The following ZSCAN32 variants were observed in gnomAD, a reference collection of about 807,000 sequenced individuals.
ZSCAN32 encodes zinc finger and SCAN domain containing 32, also known as zinc finger and SCAN domain-containing protein 32.
ZSCAN32 carries 52 observed loss-of-function variants against 47.4 expected under a neutral mutation model. The observed-to-expected ratio is 1.10, with a 90% CI of 0.88 to 1.38. The LOEUF is 1.38. Ranked by LOEUF, ZSCAN32 falls within the 40% of genes most tolerant of loss-of-function variation. ZSCAN32 has a pLI of 0.00. For missense variants in ZSCAN32, 959 were observed against 846.0 expected (o/e 1.13, Z -1.66); for synonymous variants, 346 against 305.7 (o/e 1.13, Z -1.38).
chr16:3,399,847 C>G (rs1439279734), intron 1 of ZSCAN32, among the ~76,000 whole-genome samples: 1 of 152,226 alleles, frequency 6.6e-6, no homozygotes, highest in Non-Finnish European at 1.5e-5. Context: ...CTCAAGTGAT[C>G]CTCCCACCTT....
rs2031506567 is a variant in ZSCAN32 at position 3,383,427 on chromosome 16, C to T, written c.1519G>A (p.Val507Met). Residue 507 changes from valine to methionine, a missense_variant, in exon 7 of 7, where the codon GTG becomes ATG. By Grantham distance (21) the Val-to-Met change is conservative. Transcript: ENST00000396852. ...AGCGCTGGCTTGTGGGGAGAGTGCACACTCTGAGAGCAGTTTTTCCCACAG... is the reference window on the plus strand; with the variant it reads ...AGCGCTGGCTTGTGGGGAGAGTGCATACTCTGAGAGCAGTTTTTCCCACAG... ...ILCGKNCSQSVHSPHKPALKL... is the reference protein window; with the variant it reads ...ILCGKNCSQSMHSPHKPALKL... The T allele has an allele frequency of 6.2e-7, 1 of 1,614,178 alleles. No individual in the cohort carries two copies. Among genetic ancestry groups the T allele is most frequent in the South Asian group, 1.1e-5 (1 of 91,084 alleles).
intron 1 of ZSCAN32, among the ~76,000 whole-genome samples, chr16:3,398,679 CCTT>C (rs1364518465): frequency 6.6e-6 from 1 of 152,134 alleles, no homozygotes; most frequent in African/African-American, 2.4e-5. Flanking sequence ...CTGTTCCTTC[CCTT>C]CTTCCCTCAC....
rs1390260095 is a variant in ZSCAN32, at chr16:3,383,170, G to A, written c.1776C>T (p.Leu592=). 2 of 1,614,194 alleles carry A rather than the reference G, an allele frequency of 1.2e-6. No individual in the cohort carries two copies. Residue 592 remains leucine, a synonymous_variant, in exon 7 of 7, where the codon CTC becomes CTT. Transcript: ENST00000396852. ...CGKSFNQSSS[L]IVHQRTHTGE... ...CGGTATGGGTCCTCTGGTGGACAAT[G>A]AGGCTGGAACTCTGGTTGAAGCTTT...
chr16:3,383,983 C>G (rs778449321), intron 6 of ZSCAN32: 6 of 472,006 alleles, frequency 1.3e-5, no homozygotes, highest in Non-Finnish European at 2.2e-5. Flanking sequence ...ACATTAAGCA[C>G]TATATCATCT....
chr16:3,392,594 G>A (rs1047335829), intron 3 of ZSCAN32, among the ~76,000 whole-genome samples: 5 of 152,226 alleles, frequency 3.3e-5, no homozygotes, highest in South Asian at 4.1e-4. Flanking sequence ...TTGGGAGGCC[G>A]AGGCAGGTGG....
At chr16:3,384,360 G>A in intron 6 of ZSCAN32, 99 bp downstream of exon 6, 1 of 1,495,492 alleles carries the variant, frequency 6.7e-7, no homozygotes, top group Non-Finnish European at 9.1e-7. Context: ...AGATGATGAT[G>A]ATGCCAGGAT....
rs7184445 is a variant in ZSCAN32 at position 3,392,781 on chromosome 16, G to T, written c.532+868C>A. 2.8e-3 allele frequency among the ~76,000 whole-genome samples: 427 copies of T among 151,962 alleles called. 3 individuals carry two copies. Among genetic ancestry groups the T allele is most frequent in the African/African-American group, 9.8e-3 (404 of 41,426 alleles). On this transcript the variant is annotated intron_variant, in intron 3 of 6. Transcript: ENST00000396852. ...GCAGAGCTTGCAGTAAGCCAAGATC[G>T]CATTACTGCACTCCAGCCTGGGCGA...
Position 3,397,655 on chromosome 16 carries a change from G to C in ZSCAN32, c.-98C>G, listed in dbSNP as rs915753793. 1.4e-6 allele frequency: 2 copies of C among 1,410,512 alleles called. No homozygotes were observed. The highest frequency in any genetic ancestry group is 2.9e-5 in the African/African-American group (2 of 69,142). 87.4% of individuals were successfully genotyped at this position (1,410,512 alleles called of 1,614,324 possible). ...CTGGGAAGCCATGTTCTCCTGCAAG[G>C]AATGTCTTTCTGTAATCCGTGGGAC... On this transcript the variant is annotated 5_prime_UTR_variant, in exon 2 of 7. Coordinates refer to ENST00000396852, the MANE Select transcript of ZSCAN32 (RefSeq NM_001284527.2).
At chr16:3,386,433 A>G (rs2031999682) in intron 5 of ZSCAN32, among the ~76,000 whole-genome samples, 1 of 152,200 alleles carries the variant, frequency 6.6e-6, no homozygotes, top group Admixed American at 6.5e-5. Flanking sequence ...CAGCAATCCC[A>G]TTACTAGGTG....
In ZSCAN32 at chr16:3,384,697, A is replaced by T. The variant is rs1302695260; in HGVS notation, c.996T>A (p.Tyr332Ter). 1.2e-6 allele frequency: 2 copies of T among 1,614,192 alleles called. No individual in the cohort carries two copies. Among genetic ancestry groups the T allele is most frequent in the Non-Finnish European group, 1.7e-6 (2 of 1,180,030 alleles). The part of the protein sequence containing the change: ...RGRVPEPCIF[Y>*]EEMNALSGSW... ...AGCCTGAAAGAGCATTCATTTCCTCATAAAAGATACAAGGCTCAGGCACAC... is the reference window on the plus strand; with the variant it reads ...AGCCTGAAAGAGCATTCATTTCCTCTTAAAAGATACAAGGCTCAGGCACAC... Residue 332 changes from tyrosine to a stop codon, truncating the protein, a stop_gained, in exon 6 of 7, where the codon TAT becomes TAA. Transcript: ENST00000396852. LOFTEE classifies it high-confidence loss of function.
At position 3,382,958 on chromosome 16, in the gene ZSCAN32, C is replaced by T. The variant is rs1377154858; in HGVS notation, c.1988G>A (p.Cys663Tyr). 5 of 1,613,952 alleles carry T rather than the reference C, an allele frequency of 3.1e-6. No homozygotes were observed. Among genetic ancestry groups the T allele is most frequent in the Middle Eastern group, 1.6e-4 (1 of 6,084 alleles). ...KTHTGEKPYR[C>Y]SHCERGFTKN... ...AGTGAAGCCTCTCTCACAGTGAGAACACCTGTAAGGCTTTTCACCAGTGTG... is the reference window on the plus strand; with the variant it reads ...AGTGAAGCCTCTCTCACAGTGAGAATACCTGTAAGGCTTTTCACCAGTGTG... The change falls in exon 7 of 7, where the codon TGT (cysteine) becomes TAT (tyrosine). Residue 663 changes from cysteine to tyrosine, a missense_variant. Physicochemically the swap from Cys to Tyr is radical, Grantham distance 194. Coordinates refer to ENST00000396852, the MANE Select transcript of ZSCAN32 (RefSeq NM_001284527.2).
intron 5 of ZSCAN32, among the ~76,000 whole-genome samples, chr16:3,387,925 C>CA (rs2032207884): frequency 6.6e-6 from 1 of 152,164 alleles, no homozygotes; most frequent in Non-Finnish European, 1.5e-5. Context: ...GTGACATACT[C>CA]AAAGTGGTCC....
At position 3,383,725 on chromosome 16, in the gene ZSCAN32, AC is replaced by A. The variant is rs376206158; in HGVS notation, c.1235-15del. The A allele has an allele frequency of 1.3e-6, 2 of 1,560,298 alleles. No individual in the cohort carries two copies. Among genetic ancestry groups the A allele is most frequent in the South Asian group, 1.2e-5 (1 of 83,480 alleles). On this transcript the variant is annotated splice_polypyrimidine_tract_variant and intron_variant, in intron 6 of 6. Transcript: ENST00000396852. ...TGAACTCAAAACCTGAAAAAAAAAA[AC>A]CCCACAGAAATACAATGGACTATAG...
In ZSCAN32 at chr16:3,382,368, G is replaced by C. The variant is rs1305967563; in HGVS notation, c.*484C>G. The C allele has an allele frequency of 6.6e-6, 1 of 152,618 alleles. No homozygotes were observed. The highest frequency in any genetic ancestry group is 1.5e-5 in the Non-Finnish European group (1 of 68,420). The allele number at this position is 152,618 out of a possible 1,614,324, so 9.5% of individuals were successfully genotyped here. Reference sequence around the variant, plus strand: ...TTCTGTTTGCTTTTTGGTGGTGGCTGGGTTACAAAGAGCAGTGTCTTCTGC... The same window carrying C: ...TTCTGTTTGCTTTTTGGTGGTGGCTCGGTTACAAAGAGCAGTGTCTTCTGC... On this transcript the variant is annotated 3_prime_UTR_variant, in exon 7 of 7. Transcript: ENST00000396852.
chr16:3,400,368 T>C (rs2033776035), intron 1 of ZSCAN32, among the ~76,000 whole-genome samples: 1 of 152,230 alleles, frequency 6.6e-6, no homozygotes, highest in South Asian at 2.1e-4. Flanking sequence ...GCCTTCATTA[T>C]GTTCATCCTG....
intron 1 of ZSCAN32, among the ~76,000 whole-genome samples, chr16:3,400,706 C>T (rs1365184338): frequency 6.6e-6 from 1 of 152,188 alleles, no homozygotes; most frequent in Non-Finnish European, 1.5e-5. Context: ...AGGGTCAAGG[C>T]CAGGGGGTCC....
chr16:3,393,895 A>G, intron 2 of ZSCAN32, 81 bp from the exon 3 acceptor site: 2 of 1,259,248 alleles, frequency 1.6e-6, no homozygotes, highest in Non-Finnish European at 2.1e-6. Context: ...GCATTAAAAA[A>G]TGTGTAACAT....
At chr16:3,385,181 CTGGGTG>C (rs1214042900) in intron 5 of ZSCAN32, among the ~76,000 whole-genome samples, 4 of 152,086 alleles carry the variant, frequency 2.6e-5, no homozygotes, top group Non-Finnish European at 4.4e-5. Context: ...CAAAAAATAG[CTGGGTG>C]TGGTGCCGTG....
At chr16:3,395,986 A>G (rs1218926790) in intron 2 of ZSCAN32, among the ~76,000 whole-genome samples, 3 of 152,216 alleles carry the variant, frequency 2.0e-5, no homozygotes, top group African/African-American at 7.2e-5. Context: ...TGACAGACCA[A>G]GACCCTTTCA....
Sources: allele counts gnomAD v4.1 joint callset (sites outside exome capture counted in the v4.1 genomes callset), GRCh38; gene constraint gnomAD v4.1.1; transcripts MANE v1.5; gene names NCBI Gene and HGNC (gene_info 2026-07-23, HGNC 2026-07-21).